Variants in RBMS1 observed in about 807,000 individuals in gnomAD.
RBMS1 encodes the protein RNA-binding motif, single-stranded-interacting protein 1.
RBMS1 carries 17 observed loss-of-function variants against 62.3 expected under a neutral mutation model. That is an observed-to-expected ratio of 0.27 (90% confidence interval 0.19 to 0.41). The LOEUF (loss-of-function observed/expected upper bound fraction) is 0.41, where lower values mean the gene tolerates loss of function less well. Among genes scored for constraint, RBMS1 ranks in the 10% least tolerant of loss-of-function variants. The pLI is 1.00. For missense variants in RBMS1, 334 were observed against 504.5 expected (o/e 0.66, Z 3.24); for synonymous variants, 172 against 170.0 (o/e 1.01, Z -0.09).
Position 160,456,515 on chromosome 2 carries a change from T to C in RBMS1, c.75+36774A>G, listed in dbSNP as rs907979825. On this transcript the variant is annotated intron_variant, in intron 1 of 13. Coordinates refer to ENST00000348849, the MANE Select transcript of RBMS1 (RefSeq NM_016836.4). Reference sequence around the variant, plus strand: ...AAAGTTTTCTAAGCCATATTGTAAATTTTCCTTCTCTTCTAAACACAATAC... The same window carrying C: ...AAAGTTTTCTAAGCCATATTGTAAACTTTCCTTCTCTTCTAAACACAATAC... Among the ~76,000 whole-genome samples, 6 of 152,328 alleles carry C rather than the reference T, an allele frequency of 3.9e-5. No individual in the cohort carries two copies. The East Asian group carries it at 1.2e-3, about 29-fold the overall frequency.
At chr2:160,374,434 G>A (rs1012157537) in intron 1 of RBMS1, among the ~76,000 whole-genome samples, 3 of 152,126 alleles carry the variant, frequency 2.0e-5, no homozygotes, top group African/African-American at 7.2e-5. Context: ...TGATGTTGGG[G>A]TAGGAGTGTG....
intron 1 of RBMS1, among the ~76,000 whole-genome samples, chr2:160,412,082 G>A (rs1414173187): frequency 6.6e-6 from 1 of 152,202 alleles, no homozygotes; most frequent in African/African-American, 2.4e-5. Flanking sequence ...TGAATTGGAA[G>A]ACTGTGAGCA....
chr2:160,301,009 A>G (rs1364767348), intron 5 of RBMS1, among the ~76,000 whole-genome samples: 1 of 152,238 alleles, frequency 6.6e-6, no homozygotes, highest in Admixed American at 6.5e-5. Context: ...TTTTATTGTA[A>G]TTGTTGTAAA....
chr2:160,424,870 A>G (rs1382955142), intron 1 of RBMS1, among the ~76,000 whole-genome samples: 1 of 152,174 alleles, frequency 6.6e-6, no homozygotes, highest in East Asian at 1.9e-4. Context: ...AGGGGGAAAA[A>G]ATGAGCAGCA....
rs368982549 is a variant in RBMS1 at position 160,471,691 on chromosome 2, G to GTATATATATATATATATATATATA, written c.75+21574_75+21597dup. 7.3e-4 allele frequency among the ~76,000 whole-genome samples: 48 copies of GTATATATATATATATATATATATA among 65,868 alleles called. 3 individuals carry two copies. The highest frequency in any genetic ancestry group is 4.0e-3 in the South Asian group (5 of 1,242). The allele number at this position is 65,868 out of a possible 152,430, so 43.2% of individuals were successfully genotyped here. Reference sequence around the variant, plus strand: ...AATCATGTTTGGGAAATCCTTTGGTGTATATATATATATATATATATATAT... The same window carrying GTATATATATATATATATATATATA: ...AATCATGTTTGGGAAATCCTTTGGTGTATATATATATATATATATATATATATATATATATATATATATATATAT... On this transcript the variant is annotated intron_variant, in intron 1 of 13. Transcript: ENST00000348849.
At chr2:160,284,678 T>C (rs1362463770) in intron 9 of RBMS1, 97 bp downstream of exon 9, 2 of 1,031,108 alleles carry the variant, frequency 1.9e-6, no homozygotes, top group Admixed American at 1.8e-5. Context: ...TTGACTCAAA[T>C]TTCATAAACG....
intron 1 of RBMS1, among the ~76,000 whole-genome samples, chr2:160,439,679 G>A (rs1378725021): frequency 2.6e-5 from 4 of 152,182 alleles, no homozygotes; most frequent in Non-Finnish European, 5.9e-5. Context: ...CTGCAATCTC[G>A]GCACTTTGGG....
chr2:160,482,309 C>T (rs1685404245), intron 1 of RBMS1, among the ~76,000 whole-genome samples: 1 of 152,156 alleles, frequency 6.6e-6, no homozygotes, highest in Non-Finnish European at 1.5e-5. Flanking sequence ...TTAGTGGGTA[C>T]AAGTGAGGAT....
intron 1 of RBMS1, among the ~76,000 whole-genome samples, chr2:160,417,541 C>G (rs1392250386): frequency 1.3e-5 from 2 of 152,192 alleles, no homozygotes; most frequent in Admixed American, 6.5e-5. Flanking sequence ...CAGACATAAA[C>G]TGTATGTCAT....
chr2:160,367,773 C>T (rs1479454951), intron 1 of RBMS1, among the ~76,000 whole-genome samples: 1 of 152,086 alleles, frequency 6.6e-6, no homozygotes, highest in Non-Finnish European at 1.5e-5. Flanking sequence ...TTCTGAAGAA[C>T]GTTTGATTGA....
At chr2:160,404,667 T>C (rs1695603603) in intron 1 of RBMS1, among the ~76,000 whole-genome samples, 1 of 152,212 alleles carries the variant, frequency 6.6e-6, no homozygotes, top group South Asian at 2.1e-4. Flanking sequence ...GATGACTGTA[T>C]ATGTAAAATG....
intron 9 of RBMS1, chr2:160,283,551 GATA>G (rs1423778229): frequency 6.6e-6 from 1 of 152,186 alleles, no homozygotes; most frequent in East Asian, 1.9e-4. Context: ...GACTGTGAAT[GATA>G]ATGCCAATCC....
chr2:160,461,592 G>T (rs926969127), intron 1 of RBMS1, among the ~76,000 whole-genome samples: 1 of 152,228 alleles, frequency 6.6e-6, no homozygotes, highest in African/African-American at 2.4e-5. Context: ...CTTCGGGAGC[G>T]CTATAGGCCA....
chr2:160,432,156 G>A (rs961258486), intron 1 of RBMS1, among the ~76,000 whole-genome samples: 1 of 152,082 alleles, frequency 6.6e-6, no homozygotes, highest in Non-Finnish European at 1.5e-5. Context: ...TACTTCTGAA[G>A]ATACAAAGAA....
chr2:160,460,388 A>T (rs1684408424), intron 1 of RBMS1, among the ~76,000 whole-genome samples: 1 of 152,180 alleles, frequency 6.6e-6, no homozygotes, highest in Non-Finnish European at 1.5e-5. Flanking sequence ...AATATATTTA[A>T]TCCTGGCAAC....
At chr2:160,459,945 G>A (rs867578955) in intron 1 of RBMS1, among the ~76,000 whole-genome samples, 1 of 152,310 alleles carries the variant, frequency 6.6e-6, no homozygotes, top group South Asian at 2.1e-4. Flanking sequence ...TGAGCCAGGG[G>A]AGGATTTATG....
At chr2:160,485,530 T>C (rs1036799793) in intron 1 of RBMS1, among the ~76,000 whole-genome samples, 3 of 152,154 alleles carry the variant, frequency 2.0e-5, no homozygotes, top group Non-Finnish European at 2.9e-5. Flanking sequence ...GACCATATCA[T>C]TAAGGATAAC....
Position 160,455,752 on chromosome 2 carries a change from C to A in RBMS1, c.75+37537G>T, listed in dbSNP as rs1052260747. Among the ~76,000 whole-genome samples the A allele has an allele frequency of 2.3e-4, 34 of 146,280 alleles. No homozygotes were observed. The Middle Eastern group carries it at 0.011, about 47-fold the overall frequency. On this transcript the variant is annotated intron_variant, in intron 1 of 13. Transcript: ENST00000348849. ...AGGCTGGAGTGCAGTGGCGCGATCT[C>A]GGCTCACTGCAAGCTCCGCCTCCCG...
At chr2:160,285,111 G>T in intron 7 of RBMS1, 67 bp from the exon 8 acceptor site, 1 of 1,495,080 alleles carries the variant, frequency 6.7e-7, no homozygotes, top group Non-Finnish European at 9.3e-7. Flanking sequence ...TCTATTTTTA[G>T]CCAGGTGTGG....
Sources: gnomAD v4.1 joint callset for allele counts (sites outside exome capture counted in the v4.1 genomes callset) on GRCh38, gnomAD v4.1.1 for gene constraint, MANE v1.5 for transcripts, NCBI Gene and HGNC (gene_info 2026-07-23, HGNC 2026-07-21) for gene names.